TXNRD1: variants seen among roughly 807,000 people sequenced by gnomAD.
The protein encoded by TXNRD1 is thioredoxin reductase 1, cytoplasmic.
TXNRD1 carries 57 observed loss-of-function variants against 80.3 expected under a neutral mutation model. The observed-to-expected ratio is 0.71, with a 90% CI of 0.57 to 0.89. The LOEUF is 0.89. Among genes scored for constraint, TXNRD1 ranks in the 40% least tolerant of loss-of-function variants. The pLI is 0.00. For synonymous variants in TXNRD1, 291 were observed against 285.2 expected, an observed-to-expected ratio of 1.02 and a Z score of -0.20; for missense variants, 730 against 803.0, an observed-to-expected ratio of 0.91 and a Z score of 1.10.
intron 3 of TXNRD1, among the ~76,000 whole-genome samples, chr12:104,271,310 T>G (rs952425753): frequency 7.3e-5 from 11 of 151,186 alleles, no homozygotes; most frequent in Non-Finnish European, 1.5e-4. Flanking sequence ...CTCAGCCTCC[T>G]GAGTTTCTGG....
At chr12:104,288,884 G>T (rs747716376) in intron 3 of TXNRD1, 47 bp from the exon 4 acceptor site, 28 of 1,613,506 alleles carry the variant, frequency 1.7e-5, no homozygotes, top group East Asian at 6.7e-5. Context: ...GCCTGTTAGC[G>T]GGGGAGAAGC....
intron 7 of TXNRD1, among the ~76,000 whole-genome samples, chr12:104,318,513 C>CA (rs1247535149): frequency 6.6e-6 from 1 of 152,200 alleles, no homozygotes; most frequent in Non-Finnish European, 1.5e-5. Context: ...TGCAGTTTGC[C>CA]AGCCCCTGAC....
intron 16 of TXNRD1, chr12:104,346,040 A>T (rs1051377065): frequency 1.6e-6 from 2 of 1,266,574 alleles, no homozygotes; most frequent in Admixed American, 2.3e-5. Flanking sequence ...TATTTGAGAT[A>T]GGGTTCCTGT....
chr12:104,251,956 C>G (rs189362421), intron 2 of TXNRD1, among the ~76,000 whole-genome samples: 2 of 149,174 alleles, frequency 1.3e-5, no homozygotes, highest in African/African-American at 5.0e-5. Context: ...CGCAGCTACT[C>G]GGGAGGCTGA....
chr12:104,313,934 G>A (rs1245193503), intron 6 of TXNRD1, among the ~76,000 whole-genome samples: 3 of 152,184 alleles, frequency 2.0e-5, no homozygotes, highest in Non-Finnish European at 2.9e-5. Flanking sequence ...ATTTAACTTC[G>A]AGAAGATTAT....
Position 104,288,946 on chromosome 12 carries a change from T to C in TXNRD1, c.320T>C (p.Leu107Pro). 1 of 1,614,014 alleles carries C rather than the reference T, an allele frequency of 6.2e-7. No homozygotes were observed. The highest frequency in any genetic ancestry group is 8.5e-7 in the Non-Finnish European group (1 of 1,179,876). ...TGCCACACAGAGGACGGTCGGGCCC[T>C]GGAAGGAACGCTCTCGGAATTGGCC... The part of the protein sequence containing the change: ...ELDQTEDGRA[L>P]EGTLSELAAE... Residue 107 changes from leucine (L) to proline (P), a missense_variant, in exon 4 of 17, where the codon CTG becomes CCG. By Grantham distance (98) the Leu-to-Pro change is moderately conservative. Coordinates refer to ENST00000525566, the MANE Select transcript of TXNRD1 (RefSeq NM_001093771.3).
intron 1 of TXNRD1, among the ~76,000 whole-genome samples, chr12:104,216,758 C>G (rs1189267372): frequency 6.6e-6 from 1 of 152,242 alleles, no homozygotes; most frequent in Admixed American, 6.5e-5. Context: ...TGGTCATAGT[C>G]ATATGGCCGC....
intron 3 of TXNRD1, chr12:104,286,670 C>A (rs2033977864): frequency 1.5e-5 from 15 of 969,412 alleles, no homozygotes; most frequent in Non-Finnish European, 1.8e-5. Flanking sequence ...GAGCCAGGCA[C>A]CAGGATTCTA....
At chr12:104,252,688 A>ATT (rs2033150977) in intron 2 of TXNRD1, among the ~76,000 whole-genome samples, 19 of 65,726 alleles carry the variant, frequency 2.9e-4, no homozygotes, top group African/African-American at 9.7e-4. Context: ...ATATATATAT[A>ATT]TATTTTTTTT....
chr12:104,251,799 C>A, intron 2 of TXNRD1, 121 bp downstream of exon 2: 1 of 1,115,542 alleles, frequency 9.0e-7, no homozygotes, highest in Non-Finnish European at 1.3e-6. Flanking sequence ...GGCGCGGTGG[C>A]TCACACCTGT....
chr12:104,337,977 T>C (rs1210056752), intron 15 of TXNRD1, among the ~76,000 whole-genome samples: 2 of 145,778 alleles, frequency 1.4e-5, no homozygotes, highest in Non-Finnish European at 3.0e-5. Context: ...TTTTTTTTCC[T>C]GTAGGGACAG....
chr12:104,319,497 A>C lies in TXNRD1; in HGVS notation c.901A>C (p.Ile301Leu). The C allele has an allele frequency of 1.3e-6, 2 of 1,593,284 alleles. No homozygotes were observed. Among genetic ancestry groups the C allele is most frequent in the South Asian group, 1.1e-5 (1 of 87,178 alleles). ...AACAAATAATAAAGGCAAAGAAAAAATTTATTCAGCAGAGAGATTTCTCAT... is the reference window on the plus strand; with the variant it reads ...AACAAATAATAAAGGCAAAGAAAAACTTTATTCAGCAGAGAGATTTCTCAT... ...KATNNKGKEK[I>L]YSAERFLIAT... Residue 301 changes from isoleucine to leucine, a missense_variant, in exon 9 of 17, where the codon ATT becomes CTT. Coordinates refer to ENST00000525566, the MANE Select transcript of TXNRD1 (RefSeq NM_001093771.3).
chr12:104,277,507 G>A (rs992960066), intron 3 of TXNRD1, among the ~76,000 whole-genome samples: 1 of 152,128 alleles, frequency 6.6e-6, no homozygotes, highest in East Asian at 1.9e-4. Flanking sequence ...AGGCTGTGGT[G>A]AGCTATGATT....
chr12:104,335,749 A>G (rs1003915626), intron 15 of TXNRD1, among the ~76,000 whole-genome samples: 2 of 152,202 alleles, frequency 1.3e-5, no homozygotes, highest in African/African-American at 2.4e-5. Context: ...AAATGATGTT[A>G]AAGAATCTGT....
rs763507590 is a variant in TXNRD1 at position 104,331,547 on chromosome 12, A to G, written c.1556A>G (p.Asn519Ser). Residue 519 changes from asparagine to serine, a missense_variant, in exon 14 of 17, where the codon AAT becomes AGT. By Grantham distance (46) the Asn-to-Ser change is conservative (BLOSUM62 1). Coordinates refer to ENST00000525566, the MANE Select transcript of TXNRD1 (RefSeq NM_001093771.3). ...ATTTTTAAACAGTGTGACTATGAAA[A>G]TGTTCCAACCACTGTATTTACTCCT... Reference protein sequence around the residue: ...AGSTVKCDYENVPTTVFTPLE... With the variant: ...AGSTVKCDYESVPTTVFTPLE... 1.4e-5 allele frequency: 22 copies of G among 1,607,784 alleles called. No homozygotes were observed. The highest frequency in any genetic ancestry group is 1.9e-5 in the Non-Finnish European group (22 of 1,176,198).
intron 2 of TXNRD1, among the ~76,000 whole-genome samples, chr12:104,253,998 G>A (rs562633810): frequency 6.6e-6 from 1 of 152,128 alleles, no homozygotes; most frequent in South Asian, 2.1e-4. Context: ...CAGCCTGAGG[G>A]TTTTCTTAGT....
At chr12:104,287,387 TC>T in intron 3 of TXNRD1, 1 of 1,614,014 alleles carries the variant, frequency 6.2e-7, no homozygotes, top group Middle Eastern at 1.7e-4. Flanking sequence ...GTTTCCTTCC[TC>T]TTGGTCTTTG....
chr12:104,256,317 C>T (rs2033246806), intron 2 of TXNRD1, among the ~76,000 whole-genome samples: 1 of 152,114 alleles, frequency 6.6e-6, no homozygotes, highest in Admixed American at 6.6e-5. Context: ...CATTAGTTAC[C>T]ATATGTGTTT....
rs2036573695 is a variant in TXNRD1 at position 104,348,915 on chromosome 12, T to C, written c.*494T>C. ...TGTCTTGTTGCATGGAAGGGATAGTTTGGCTCCCTTGGAGGCTATGTAGGC... is the reference window on the plus strand; with the variant it reads ...TGTCTTGTTGCATGGAAGGGATAGTCTGGCTCCCTTGGAGGCTATGTAGGC... On this transcript the variant is annotated 3_prime_UTR_variant, in exon 17 of 17. Coordinates refer to ENST00000525566, the MANE Select transcript of TXNRD1 (RefSeq NM_001093771.3). 6.3e-6 allele frequency: 1 copy of C among 158,056 alleles called. No individual in the cohort carries two copies. Among genetic ancestry groups the C allele is most frequent in the African/African-American group, 2.4e-5 (1 of 41,502 alleles). 9.8% of individuals were successfully genotyped at this position (158,056 alleles called of 1,614,324 possible).
Sources: gnomAD v4.1 joint callset for allele counts (sites outside exome capture counted in the v4.1 genomes callset) on GRCh38, gnomAD v4.1.1 for gene constraint, MANE v1.5 for transcripts, NCBI Gene and HGNC (gene_info 2026-07-23, HGNC 2026-07-21) for gene names.